TEF: variants seen among roughly 807,000 people sequenced by gnomAD.
The protein encoded by TEF is thyrotroph embryonic factor.
TEF carries 3 observed loss-of-function variants against 20.8 expected under a neutral mutation model. That is an observed-to-expected ratio of 0.14 (90% CI 0.07 to 0.37). The LOEUF is 0.37. TEF is among the 10% of genes least tolerant of loss of function. The probability of loss-of-function intolerance (pLI) is 1.00; values close to 1 mark genes in which losing one functional copy is unlikely to be tolerated. For missense variants in TEF, 296 were observed against 397.9 expected (o/e 0.74, Z 2.18); for synonymous variants, 180 against 171.1 (o/e 1.05, Z -0.41).
At chr22:41,393,986 G>A in intron 2 of TEF, 110 bp from the exon 3 acceptor site, 1 of 918,958 alleles carries the variant, frequency 1.1e-6, no homozygotes, top group Non-Finnish European at 1.7e-6. Flanking sequence ...TTCTCCCCAG[G>A]CGGCAGTGGC....
rs932057027 is a variant in TEF, at chr22:41,382,074, G to T, written c.30G>T (p.Pro10=). 2 of 1,231,640 alleles carry T rather than the reference G, an allele frequency of 1.6e-6. No individual in the cohort carries two copies. Among genetic ancestry groups the T allele is most frequent in the African/African-American group, 3.1e-5 (2 of 64,488 alleles). 76.3% of individuals were successfully genotyped at this position (1,231,640 alleles called of 1,614,324 possible). The stretch of plus-strand genomic sequence containing the variant: ...CCGACGCGGGCGGCGGAAAGAAGCC[G>T]CCTGTGGACCCGCAGGCAGGACCCG... The part of the protein sequence containing the change: MSDAGGGKK[P]PVDPQAGPGP... Residue 10 remains proline, a synonymous_variant, in exon 1 of 4, where the codon CCG becomes CCT. Coordinates refer to ENST00000266304, the MANE Select transcript of TEF (RefSeq NM_003216.4).
rs958993186 is a variant in TEF at position 41,399,256 on chromosome 22, G to C, written c.*3296G>C. On this transcript the variant is annotated 3_prime_UTR_variant, in exon 4 of 4. Coordinates refer to ENST00000266304, the MANE Select transcript of TEF (RefSeq NM_003216.4). The stretch of plus-strand genomic sequence containing the variant: ...GCGAGTGTGTCACTGCTGGTGGGCC[G>C]GAGTGATGTGGTGGGAGGGAAGCCG... 1 of 152,672 alleles carries C rather than the reference G, an allele frequency of 6.5e-6. No individual in the cohort carries two copies. Among genetic ancestry groups the C allele is most frequent in the Non-Finnish European group, 1.5e-5 (1 of 68,052 alleles). The allele number at this position is 152,672 out of a possible 1,614,324, so 9.5% of individuals were successfully genotyped here.
chr22:41,385,007 G>C (rs1040956356), intron 1 of TEF, among the ~76,000 whole-genome samples: 2 of 151,936 alleles, frequency 1.3e-5, no homozygotes, highest in Non-Finnish European at 2.9e-5. Flanking sequence ...TGCCCGCCTC[G>C]GACTCCCAAA....
At chr22:41,389,923 G>A (rs922252030) in intron 2 of TEF, among the ~76,000 whole-genome samples, 2 of 151,560 alleles carry the variant, frequency 1.3e-5, no homozygotes, top group Non-Finnish European at 2.9e-5. Context: ...TTTTGAGACG[G>A]AGTCTTGCTT....
chr22:41,373,526 G>A (rs1283230362), intron 1 of TEF, among the ~76,000 whole-genome samples: 1 of 151,322 alleles, frequency 6.6e-6, no homozygotes, highest in East Asian at 2.0e-4. Context: ...CTGGAGTGTG[G>A]TGGCGTGATC....
chr22:41,380,833 T>G (rs1192685443), upstream of TEF, among the ~76,000 whole-genome samples: 1 of 152,200 alleles, frequency 6.6e-6, no homozygotes, highest in African/African-American at 2.4e-5. Flanking sequence ...CCACAAAACG[T>G]GGCATCGGTA....
At chr22:41,382,744 A>G (rs929669294) in intron 1 of TEF, among the ~76,000 whole-genome samples, 4 of 149,378 alleles carry the variant, frequency 2.7e-5, no homozygotes, top group African/African-American at 9.8e-5. Context: ...ACTAGGTCCA[A>G]CGGGAGCCTT....
At chr22:41,378,674 G>A (rs1275934157), upstream of TEF, among the ~76,000 whole-genome samples, 11 of 151,498 alleles carry the variant, frequency 7.3e-5, no homozygotes, top group Admixed American at 3.9e-4. Flanking sequence ...GTTTCACCAC[G>A]TTGGCCAGGC....
chr22:41,370,305 G>A (rs1171646949), intron 1 of TEF, among the ~76,000 whole-genome samples: 4 of 150,748 alleles, frequency 2.7e-5, no homozygotes, highest in African/African-American at 9.8e-5. Context: ...AGTACAGATG[G>A]GGTTTCACCA....
At chr22:41,378,876 C>A (rs2036979917), upstream of TEF, among the ~76,000 whole-genome samples, 1 of 152,208 alleles carries the variant, frequency 6.6e-6, no homozygotes, top group South Asian at 2.1e-4. Flanking sequence ...AACAATTCTA[C>A]AACACAACAA....
Position 41,375,531 on chromosome 22 carries a change from G to A in TEF, c.67+7932G>A, listed in dbSNP as rs533100361. On this transcript the variant is annotated intron_variant, in intron 1 of 3. Transcript: ENST00000406644. The stretch of plus-strand genomic sequence containing the variant: ...TTTGGGAGGCCGAGGCGGGCGGATC[G>A]CGAGGTCAGGAGATCGAGGCCATGC... Among the ~76,000 whole-genome samples, 327 of 152,182 alleles carry A rather than the reference G, an allele frequency of 2.1e-3. 2 individuals are homozygous for A. The highest frequency in any genetic ancestry group is 7.3e-3 in the African/African-American group (305 of 41,542).
In TEF at chr22:41,396,166, T is replaced by C; in HGVS notation, c.*206T>C. 1 of 569,406 alleles carries C rather than the reference T, an allele frequency of 1.8e-6. No individual in the cohort carries two copies. Among genetic ancestry groups the C allele is most frequent in the South Asian group, 2.1e-5 (1 of 46,928 alleles). The allele number at this position is 569,406 out of a possible 1,614,324, so 35.3% of individuals were successfully genotyped here. On this transcript the variant is annotated 3_prime_UTR_variant, in exon 4 of 4. Coordinates refer to ENST00000266304, the MANE Select transcript of TEF (RefSeq NM_003216.4). ...CCTGAGGGGCCAGTCTCCTCACTGG[T>C]GGGGAACGCAAGAGAATCTGCGTAG...
At position 41,372,060 on chromosome 22, in the gene TEF, T is replaced by C. The variant is rs922284819; in HGVS notation, c.67+4461T>C. 2.0e-5 allele frequency among the ~76,000 whole-genome samples: 3 copies of C among 152,160 alleles called. No individual in the cohort carries two copies. In the East Asian group the frequency reaches 5.8e-4, roughly 29 times the overall value. The stretch of plus-strand genomic sequence containing the variant: ...GAGCAAAACTGAGAAATCGAGGAGT[T>C]TGCTTTCAGGGACGAGGATGGGGAG... On this transcript the variant is annotated intron_variant, in intron 1 of 3. Coordinates refer to the TEF transcript ENST00000406644.
At chr22:41,373,808 G>C (rs1285359115) in intron 1 of TEF, among the ~76,000 whole-genome samples, 1 of 143,658 alleles carries the variant, frequency 7.0e-6, no homozygotes, top group Non-Finnish European at 1.5e-5. Context: ...CCGTCACCCA[G>C]GCTGGAGTGC....
chr22:41,371,662 G>A (rs545377283), intron 1 of TEF, among the ~76,000 whole-genome samples: 200 of 152,284 alleles, frequency 1.3e-3, no homozygotes, highest in African/African-American at 4.6e-3. Flanking sequence ...GGCGTCGTGC[G>A]TCTTCCACCT....
upstream of TEF, chr22:41,381,866 G>A (rs2234057): frequency 8.2e-7 from 1 of 1,222,730 alleles, no homozygotes; most frequent in Non-Finnish European, 1.0e-6. Context: ...CTGGCCTCAT[G>A]AATAATTAAT....
At chr22:41,377,421 A>G (rs139101071), upstream of TEF, 2 of 152,232 alleles carry the variant, frequency 1.3e-5, no homozygotes, top group African/African-American at 2.4e-5. Flanking sequence ...CTCAGCCTTT[A>G]AAGTCTTAAT....
chr22:41,389,063 CAATA>C (rs1167029240), intron 2 of TEF, among the ~76,000 whole-genome samples: 32 of 152,104 alleles, frequency 2.1e-4, no homozygotes, highest in African/African-American at 7.5e-4. Flanking sequence ...CTAAAGTTGA[CAATA>C]AATCCATCAA....
intron 1 of TEF, among the ~76,000 whole-genome samples, chr22:41,375,525 C>A: frequency 6.6e-6 from 1 of 152,062 alleles, no homozygotes; most frequent in East Asian, 1.9e-4. Flanking sequence ...CCGAGGCGGG[C>A]GGATCGCGAG....
Sources: gnomAD v4.1 joint callset for allele counts (sites outside exome capture counted in the v4.1 genomes callset) on GRCh38, gnomAD v4.1.1 for gene constraint, MANE v1.5 for transcripts, NCBI Gene and HGNC (gene_info 2026-07-23, HGNC 2026-07-21) for gene names.